LETM1: variants seen among roughly 807,000 people sequenced by gnomAD.
LETM1 encodes mitochondrial proton/calcium exchanger protein.
In LETM1, 50 loss-of-function variants were observed where a neutral mutation model predicts 74.5. The ratio of observed to expected loss-of-function variants is 0.67; its 90% CI spans 0.53 to 0.85. LETM1 has a LOEUF of 0.85. Among genes scored for constraint, LETM1 ranks in the 40% least tolerant of loss-of-function variants. The pLI is 0.00. For synonymous variants in LETM1, 446 were observed against 407.1 expected (o/e 1.10, Z -1.15); for missense variants, 824 against 967.8 (o/e 0.85, Z 1.97).
intron 7 of LETM1, among the ~76,000 whole-genome samples, chr4:1,824,277 C>T (rs1711902741): frequency 6.6e-6 from 1 of 152,110 alleles, no homozygotes; most frequent in Non-Finnish European, 1.5e-5. Flanking sequence ...GCCGAAATCG[C>T]GCCACTGCAC....
chr4:1,831,023 T>G (rs564585513), intron 6 of LETM1, among the ~76,000 whole-genome samples: 1 of 152,192 alleles, frequency 6.6e-6, no homozygotes, highest in Non-Finnish European at 1.5e-5. Context: ...CCAGCTTTCA[T>G]GGGCCAACCA....
At chr4:1,831,057 C>G (rs1217674314) in intron 6 of LETM1, among the ~76,000 whole-genome samples, 4 of 152,216 alleles carry the variant, frequency 2.6e-5, no homozygotes, top group Admixed American at 2.6e-4. Flanking sequence ...CTGTGTTTCC[C>G]TTCCTGCCCA....
chr4:1,815,616 CTCCAG>C (rs1371211709), intron 13 of LETM1, 43 bp downstream of exon 13: 1 of 1,607,326 alleles, frequency 6.2e-7, no homozygotes, highest in Non-Finnish European at 8.5e-7. Context: ...CCCCACCCCA[CTCCAG>C]AGCAGGTGGC....
chr4:1,838,089 TTA>T (rs1056514362), intron 3 of LETM1, among the ~76,000 whole-genome samples: 11 of 152,072 alleles, frequency 7.2e-5, no homozygotes, highest in Non-Finnish European at 1.5e-4. Flanking sequence ...GTGCACAGGA[TTA>T]TCTTTTTTTT....
chr4:1,825,957 C>T (rs1476116160), intron 6 of LETM1, among the ~76,000 whole-genome samples: 1 of 152,102 alleles, frequency 6.6e-6, no homozygotes, highest in Non-Finnish European at 1.5e-5. Context: ...ACCCTGGCCA[C>T]TCCTGCCACC....
At chr4:1,838,203 G>C (rs1577321991) in intron 3 of LETM1, among the ~76,000 whole-genome samples, 1 of 151,872 alleles carries the variant, frequency 6.6e-6, no homozygotes, top group East Asian at 1.9e-4. Context: ...GAGTTCAAGT[G>C]ATTCTCCTGC....
Position 1,834,413 on chromosome 4 carries a change from C to A in LETM1, c.876+432G>T. ...AAACCTCAAGGGCCGCTCCTCCTCTCCAGCCCCCACTGCTCCCACAGTCCA... is the reference window on the plus strand; with the variant it reads ...AAACCTCAAGGGCCGCTCCTCCTCTACAGCCCCCACTGCTCCCACAGTCCA... On this transcript the variant is annotated intron_variant, in intron 5 of 13. Transcript: ENST00000302787. This position sits in a 1 kb window ranked among gnomAD's most constrained non-coding sequence, Gnocchi z 5.0. The A allele has an allele frequency of 1.0e-6, 1 of 996,594 alleles. No individual in the cohort carries two copies. Among genetic ancestry groups the A allele is most frequent in the Non-Finnish European group, 1.2e-6 (1 of 837,302 alleles). The allele number at this position is 996,594 out of a possible 1,614,324, so 61.7% of individuals were successfully genotyped here.
chr4:1,825,537 C>T, intron 7 of LETM1, 27 bp downstream of exon 7: 2 of 1,594,598 alleles, frequency 1.3e-6, no homozygotes, highest in South Asian at 2.2e-5. Flanking sequence ...CCCGTGCCGG[C>T]CTGGCACCAG....
At chr4:1,827,004 G>A (rs1179460461) in intron 6 of LETM1, among the ~76,000 whole-genome samples, 7 of 152,190 alleles carry the variant, frequency 4.6e-5, no homozygotes, top group African/African-American at 1.4e-4. Flanking sequence ...CACCCACACC[G>A]TGGAGCCCGT....
chr4:1,816,973 T>A, intron 11 of LETM1, 59 bp from the exon 12 acceptor site: 1 of 1,436,496 alleles, frequency 7.0e-7, no homozygotes, highest in Non-Finnish European at 9.7e-7. Flanking sequence ...GGGTCAGGTG[T>A]AGTGGCTCAC....
At chr4:1,841,888 T>C in intron 2 of LETM1, 91 bp from the exon 3 acceptor site, 1 of 894,774 alleles carries the variant, frequency 1.1e-6, no homozygotes, top group Non-Finnish European at 1.8e-6. Flanking sequence ...AAAACCCACA[T>C]GCCCCGTGCC....
Position 1,834,936 on chromosome 4 carries a change from T to G in LETM1, c.785A>C (p.Lys262Thr). The G allele has an allele frequency of 2.5e-6, 4 of 1,614,186 alleles. No individual in the cohort carries two copies. The highest frequency in any genetic ancestry group is 3.4e-6 in the Non-Finnish European group (4 of 1,180,038). ...KELRVKLELA[K>T]FLQDTIEEMA... Reference sequence around the variant, plus strand: ...CTCCTCGATGGTGTCCTGGAGGAACTTGGCCAGCTCCAGCTTGACCCGAAG... The same window carrying G: ...CTCCTCGATGGTGTCCTGGAGGAACGTGGCCAGCTCCAGCTTGACCCGAAG... The change falls in exon 5 of 14, where the codon AAG (lysine) becomes ACG (threonine). Residue 262 changes from lysine (K) to threonine (T), a missense_variant. This residue lies in a region of LETM1 where 269 missense variants were observed against 348.8 expected (regional missense o/e 0.77). Coordinates refer to ENST00000302787, the MANE Select transcript of LETM1 (RefSeq NM_012318.3). This position sits in a 1 kb window ranked among gnomAD's most constrained non-coding sequence, Gnocchi z 5.0.
chr4:1,849,275 GT>G (rs1712989027), intron 1 of LETM1, 66 bp from the exon 2 acceptor site: 1 of 1,245,022 alleles, frequency 8.0e-7, no homozygotes, highest in Non-Finnish European at 1.2e-6. Flanking sequence ...ACCTTTTTTT[GT>G]TGTTGGTTTT....
At position 1,841,651 on chromosome 4, in the gene LETM1, G is replaced by C. The variant is rs1328658995; in HGVS notation, c.290C>G (p.Ala97Gly). The C allele has an allele frequency of 6.2e-7, 1 of 1,614,228 alleles. No individual in the cohort carries two copies. Among genetic ancestry groups the C allele is most frequent in the Non-Finnish European group, 8.5e-7 (1 of 1,180,036 alleles). Reference sequence around the variant, plus strand: ...CACAGGAAGGCACTGAGGTCCCACAGCCACAAAACCCACAGAGGTAGAGGT... The same window carrying C: ...CACAGGAAGGCACTGAGGTCCCACACCCACAAAACCCACAGAGGTAGAGGT... Reference protein sequence around the residue: ...PWTSTSVGFVAVGPQCLPVRG... With the variant: ...PWTSTSVGFVGVGPQCLPVRG... Residue 97 changes from alanine to glycine, a missense_variant, in exon 3 of 14, where the codon GCT becomes GGT. Around this residue, in one of 4 missense-constraint regions of LETM1, gnomAD observed 222 missense variants for 195.6 expected, o/e 1.14. Coordinates refer to ENST00000302787, the MANE Select transcript of LETM1 (RefSeq NM_012318.3).
intron 13 of LETM1, among the ~76,000 whole-genome samples, chr4:1,814,953 G>C (rs1211927977): frequency 6.6e-6 from 1 of 152,220 alleles, no homozygotes; most frequent in Non-Finnish European, 1.5e-5. Flanking sequence ...AAGGGCAGCT[G>C]TGCAGTAGAT....
chr4:1,819,108 A>G (rs1711683331), intron 11 of LETM1, among the ~76,000 whole-genome samples: 1 of 151,154 alleles, frequency 6.6e-6, no homozygotes, highest in South Asian at 2.1e-4. Flanking sequence ...AAAGGTGCAC[A>G]CACATCTGTG....
In LETM1 at chr4:1,836,498, A is replaced by C. The variant is rs1407293209; in HGVS notation, c.669T>G (p.Phe223Leu). 3 of 1,614,040 alleles carry C rather than the reference A, an allele frequency of 1.9e-6. No individual in the cohort carries two copies. The highest frequency in any genetic ancestry group is 1.1e-5 in the South Asian group (1 of 91,062). The change falls in exon 4 of 14, where the codon TTT (phenylalanine) becomes TTG (leucine). Residue 223 changes from phenylalanine (F) to leucine (L), a missense_variant. Around this residue, in one of 4 missense-constraint regions of LETM1, gnomAD observed 269 missense variants for 348.8 expected, o/e 0.77. Coordinates refer to ENST00000302787, the MANE Select transcript of LETM1 (RefSeq NM_012318.3). This position sits in a 1 kb window ranked among gnomAD's most constrained non-coding sequence, Gnocchi z 5.8. ...LVFVVVPFME[F>L]LLPVAVKLFP... Reference sequence around the variant, plus strand: ...AGAGCTTCACAGCAACAGGCAGCAGAAACTCCATGAACGGCACCACCACGA... The same window carrying C: ...AGAGCTTCACAGCAACAGGCAGCAGCAACTCCATGAACGGCACCACCACGA...
chr4:1,841,588 G>A lies in LETM1; in HGVS notation c.353C>T (p.Ser118Leu), dbSNP rs767788848. The A allele has an allele frequency of 3.1e-6, 5 of 1,614,050 alleles. No individual in the cohort carries two copies. Among genetic ancestry groups the A allele is most frequent in the African/African-American group, 2.7e-5 (2 of 74,914 alleles). Residue 118 changes from serine (S) to leucine (L), a missense_variant, in exon 3 of 14, where the codon TCG (serine) becomes TTG (leucine). Physicochemically the swap from Ser to Leu is moderately radical, Grantham distance 145. This residue lies in a region of LETM1 where 222 missense variants were observed against 195.6 expected (regional missense o/e 1.14). Coordinates refer to ENST00000302787, the MANE Select transcript of LETM1 (RefSeq NM_012318.3). ...GGACTTGAGGGACTTCTCTACTACCGAGTCATCGCGAACAGGGCGCGAAGA... is the reference window on the plus strand; with the variant it reads ...GGACTTGAGGGACTTCTCTACTACCAAGTCATCGCGAACAGGGCGCGAAGA... ...WHSSRPVRDD[S>L]VVEKSLKSLK...
chr4:1,846,118 A>G (rs1010836058), intron 2 of LETM1, among the ~76,000 whole-genome samples: 1 of 151,700 alleles, frequency 6.6e-6, no homozygotes. Context: ...CAACTTTCCA[A>G]AGTGCTGGGA....
Sources: gnomAD v4.1 joint callset for allele counts (sites outside exome capture counted in the v4.1 genomes callset) on GRCh38, gnomAD v4.1.1 for gene constraint, gnomAD v4.1.1 regional missense constraint, Gnocchi (gnomAD v3.1) non-coding constraint, MANE v1.5 for transcripts, NCBI Gene and HGNC (gene_info 2026-07-23, HGNC 2026-07-21) for gene names.